Variants in PPP1CC observed in about 807,000 individuals in gnomAD.
PPP1CC encodes the protein serine/threonine-protein phosphatase PP1-gamma catalytic subunit.
PPP1CC carries 16 observed loss-of-function variants against 38.4 expected under a neutral mutation model. The observed-to-expected ratio is 0.42, with a 90% CI of 0.28 to 0.63. The LOEUF is 0.63. PPP1CC is among the 30% of genes least tolerant of loss of function. The pLI, the probability that PPP1CC is intolerant of heterozygous loss-of-function variation, is 0.25. For missense variants in PPP1CC, 170 were observed against 391.3 expected, an observed-to-expected ratio of 0.43 and a Z score of 4.77; for synonymous variants, 158 against 136.0, an observed-to-expected ratio of 1.16 and a Z score of -1.13.
downstream of PPP1CC, among the ~76,000 whole-genome samples, chr12:110,717,590 G>C (rs538411100): frequency 6.6e-6 from 1 of 151,974 alleles, no homozygotes; most frequent in African/African-American, 2.4e-5. Context: ...TAGAGACAGG[G>C]TTTCACCGTG....
downstream of PPP1CC, among the ~76,000 whole-genome samples, chr12:110,718,737 C>G (rs1370875925): frequency 1.3e-5 from 2 of 152,182 alleles, no homozygotes; most frequent in South Asian, 2.1e-4. Context: ...TAGCTAGGAA[C>G]ACAGTGGCTC....
chr12:110,724,053 A>G (rs1343916922), intron 4 of PPP1CC, among the ~76,000 whole-genome samples: 2 of 151,990 alleles, frequency 1.3e-5, no homozygotes, highest in Admixed American at 1.3e-4. Context: ...CCTGGCTAAC[A>G]CGGTGAAGCC....
At chr12:110,718,191 T>A (rs1178492600), downstream of PPP1CC, among the ~76,000 whole-genome samples, 8 of 152,172 alleles carry the variant, frequency 5.3e-5, no homozygotes, top group Admixed American at 2.0e-4. Flanking sequence ...GGGTTATATG[T>A]GAGCATCTGT....
intron 3 of PPP1CC, 25 bp from the exon 4 acceptor site, chr12:110,724,789 A>G (rs770251316): frequency 7.2e-7 from 1 of 1,388,412 alleles, no homozygotes; most frequent in Non-Finnish European, 1.0e-6. Flanking sequence ...AGAGTATTAC[A>G]TTAAAAAGAG....
At chr12:110,733,671 G>A (rs905234055) in intron 1 of PPP1CC, among the ~76,000 whole-genome samples, 23 of 152,052 alleles carry the variant, frequency 1.5e-4, no homozygotes, top group African/African-American at 5.6e-4. Flanking sequence ...CTGGAGTGCA[G>A]TGGCATGATC....
At chr12:110,729,366 TG>T (rs761719920) in intron 3 of PPP1CC, among the ~76,000 whole-genome samples, 4 of 152,136 alleles carry the variant, frequency 2.6e-5, no homozygotes, top group Admixed American at 6.5e-5. Flanking sequence ...GGCTAATTTT[TG>T]TATTTTTAGT....
At chr12:110,741,403 T>A (rs1243506720) in intron 1 of PPP1CC, among the ~76,000 whole-genome samples, 2 of 152,222 alleles carry the variant, frequency 1.3e-5, no homozygotes, top group African/African-American at 4.8e-5. Context: ...CAAAAAGCAG[T>A]TGAAACTGCC....
At chr12:110,714,894 G>T (rs1392209014), downstream of PPP1CC, among the ~76,000 whole-genome samples, 4 of 151,582 alleles carry the variant, frequency 2.6e-5, no homozygotes, top group Non-Finnish European at 4.4e-5. Flanking sequence ...ACTCCTTGAG[G>T]GGCTTGTGGA....
In PPP1CC at chr12:110,722,281, A is replaced by C; in HGVS notation, c.748-12T>G. ...CCATCTTCAACCACCTTGAAGAGAA[A>C]ATTTTTTCAATATAAATAGGTGCAA... is the stretch of plus-strand genomic sequence containing the variant. On this transcript the variant is annotated splice_polypyrimidine_tract_variant and intron_variant, in intron 5 of 6. Transcript: ENST00000335007. This position sits in a 1 kb window ranked among gnomAD's most constrained non-coding sequence, Gnocchi z 5.4. 6.2e-7 allele frequency: 1 copy of C among 1,610,944 alleles called. No homozygotes were observed. Among genetic ancestry groups the C allele is most frequent in the Middle Eastern group, 1.7e-4 (1 of 6,058 alleles).
chr12:110,722,450 A>G lies in PPP1CC; in HGVS notation c.747+22T>C, dbSNP rs1280152492. On this transcript the variant is annotated intron_variant, in intron 5 of 6. Transcript: ENST00000335007. The surrounding 1 kb of genome is among the most constrained non-coding windows in gnomAD (Gnocchi z 5.4). ...CTCACACACATGCTCTTAAGTGTAC[A>G]TGTAAAATTCAAAATCAATACCTGA... 6.2e-7 allele frequency: 1 copy of G among 1,609,486 alleles called. No individual in the cohort carries two copies. Among genetic ancestry groups the G allele is most frequent in the South Asian group, 1.1e-5 (1 of 91,018 alleles).
At chr12:110,715,396 T>C (rs1328017180), downstream of PPP1CC, among the ~76,000 whole-genome samples, 4 of 151,458 alleles carry the variant, frequency 2.6e-5, no homozygotes, top group East Asian at 1.9e-4. Context: ...TCTCAGGTCA[T>C]TGCAACCTCC....
At chr12:110,712,765 CCA>C in the PPP1CC span, among the ~76,000 whole-genome samples, 3 of 150,556 alleles carry the variant, frequency 2.0e-5, no homozygotes, top group African/African-American at 7.3e-5. Flanking sequence ...GTGTCTGTTA[CCA>C]CAGTGCTAAG....
chr12:110,728,170 C>T (rs1030514353), intron 3 of PPP1CC, among the ~76,000 whole-genome samples: 5 of 151,750 alleles, frequency 3.3e-5, no homozygotes, highest in Admixed American at 6.6e-5. Context: ...GAAGCAGAGG[C>T]GGGCGGATCA....
chr12:110,712,925 T>C, the PPP1CC span, among the ~76,000 whole-genome samples: 1 of 151,404 alleles, frequency 6.6e-6, no homozygotes, highest in Non-Finnish European at 1.5e-5. Context: ...AATACAAAAT[T>C]AGCCAGGCGT....
At position 110,736,469 on chromosome 12, in the gene PPP1CC, T is replaced by C. The variant is rs140631520; in HGVS notation, c.56-4568A>G. On this transcript the variant is annotated intron_variant, in intron 1 of 6. Coordinates refer to ENST00000335007, the MANE Select transcript of PPP1CC (RefSeq NM_002710.4). ...GACTAGCCTGGGCAACATGGTGAAATTGAGTCTCTACCAAAAATACAAAAT... is the reference window on the plus strand; with the variant it reads ...GACTAGCCTGGGCAACATGGTGAAACTGAGTCTCTACCAAAAATACAAAAT... Among the ~76,000 whole-genome samples the C allele has an allele frequency of 7.3e-3, 1,109 of 151,932 alleles. 15 individuals carry two copies. Among genetic ancestry groups the C allele is most frequent in the African/African-American group, 0.025 (1,044 of 41,426 alleles).
chr12:110,730,411 T>C, intron 3 of PPP1CC, 118 bp downstream of exon 3: 1 of 831,642 alleles, frequency 1.2e-6, no homozygotes, highest in Non-Finnish European at 1.8e-6. Context: ...ATAGAAAACA[T>C]GAGAGATGAT....
chr12:110,715,778 T>A (rs1184310968), downstream of PPP1CC, among the ~76,000 whole-genome samples: 1 of 151,924 alleles, frequency 6.6e-6, no homozygotes, highest in Non-Finnish European at 1.5e-5. Flanking sequence ...GTCACCACCA[T>A]GCCAGGCTAA....
chr12:110,717,639 G>A (rs578143032), downstream of PPP1CC, among the ~76,000 whole-genome samples: 7 of 151,882 alleles, frequency 4.6e-5, no homozygotes, highest in South Asian at 8.3e-4. Flanking sequence ...CTTGTAATCC[G>A]CCTGCCTCAG....
downstream of PPP1CC, among the ~76,000 whole-genome samples, chr12:110,718,861 C>G (rs762154109): frequency 1.5e-4 from 23 of 152,142 alleles, no homozygotes; most frequent in Non-Finnish European, 2.9e-4. Flanking sequence ...CTAATGATCT[C>G]AGGTCCTAAA....
Sources: gnomAD v4.1 joint callset for allele counts (sites outside exome capture counted in the v4.1 genomes callset) on GRCh38, gnomAD v4.1.1 for gene constraint, Gnocchi (gnomAD v3.1) non-coding constraint, MANE v1.5 for transcripts, NCBI Gene and HGNC (gene_info 2026-07-23, HGNC 2026-07-21) for gene names.